Variants in SPIRE2 observed in about 807,000 individuals in gnomAD.
The protein encoded by SPIRE2 is spire type actin nucleation factor 2.
SPIRE2 carries 76 observed loss-of-function variants against 80.7 expected under a neutral mutation model. The ratio of observed to expected loss-of-function variants is 0.94; its 90% CI spans 0.78 to 1.14. The LOEUF (loss-of-function observed/expected upper bound fraction) is 1.14, where lower values mean the gene tolerates loss of function less well. Ranked by LOEUF, SPIRE2 falls within the 50% of genes most tolerant of loss-of-function variation. The pLI, the probability that SPIRE2 is intolerant of heterozygous loss-of-function variation, is 0.00. For missense variants in SPIRE2, 1,196 were observed against 1,015.3 expected, an observed-to-expected ratio of 1.18 and a Z score of -2.42; for synonymous variants, 535 against 432.6, an observed-to-expected ratio of 1.24 and a Z score of -2.94.
chr16:89,845,191 G>A (rs574506312), intron 1 of SPIRE2, 131 bp from the exon 2 acceptor site: 1 of 839,340 alleles, frequency 1.2e-6, no homozygotes, highest in Non-Finnish European at 2.0e-6. Context: ...TGGGCCTGCT[G>A]TGAGCTTTCT....
Position 89,870,244 on chromosome 16 carries a change from C to G in SPIRE2, c.2117C>G (p.Pro706Arg). ...CGCCAGACCCAATCCCTCTACATCCCTAACACCAGGACTCTTGACTTCAAG... is the reference window on the plus strand; with the variant it reads ...CGCCAGACCCAATCCCTCTACATCCGTAACACCAGGACTCTTGACTTCAAG... ...RSRQTQSLYIPNTRTLDFK is the reference protein window; with the variant it reads ...RSRQTQSLYIRNTRTLDFK The change falls in exon 15 of 15, where the codon CCT (proline) becomes CGT (arginine). Residue 706 changes from proline (P) to arginine (R), a missense_variant. Transcript: ENST00000378247. The G allele has an allele frequency of 1.9e-6, 3 of 1,602,152 alleles. No homozygotes were observed. The highest frequency in any genetic ancestry group is 2.6e-6 in the Non-Finnish European group (3 of 1,174,752).
In SPIRE2 at chr16:89,828,955, C is replaced by T. The variant is rs1005178642; in HGVS notation, c.244+161C>T. On this transcript the variant is annotated intron_variant, in intron 1 of 14. Transcript: ENST00000378247. The surrounding 1 kb of genome is among the most constrained non-coding windows in gnomAD (Gnocchi z 5.9). ...GCTCCCTCCCTCCCACTCTCCGTCCCTCTTTCCCTCTCTCTTTCCTCCCTC... is the reference window on the plus strand; with the variant it reads ...GCTCCCTCCCTCCCACTCTCCGTCCTTCTTTCCCTCTCTCTTTCCTCCCTC... Among the ~76,000 whole-genome samples, 2 of 152,212 alleles carry T rather than the reference C, an allele frequency of 1.3e-5. No homozygotes were observed. Among genetic ancestry groups the T allele is most frequent in the African/African-American group, 4.8e-5 (2 of 41,470 alleles).
intron 12 of SPIRE2, among the ~76,000 whole-genome samples, chr16:89,867,269 G>A (rs1386719229): frequency 2.0e-5 from 3 of 151,178 alleles, no homozygotes; most frequent in South Asian, 2.1e-4. Flanking sequence ...TCAGCCTCCC[G>A]AGTAGCTGGG....
In SPIRE2 at chr16:89,828,847, C is replaced by T; in HGVS notation, c.244+53C>T. ...GGGACCGCGGTCTGGGGCGTCCGTC[C>T]CGCCCCCTGGGTGGGGGTGGTCCCG... is the stretch of plus-strand genomic sequence containing the variant. On this transcript the variant is annotated intron_variant, in intron 1 of 14. Transcript: ENST00000378247. The surrounding 1 kb of genome is among the most constrained non-coding windows in gnomAD (Gnocchi z 5.9). The T allele has an allele frequency of 8.6e-7, 1 of 1,163,368 alleles. No homozygotes were observed. Among genetic ancestry groups the T allele is most frequent in the South Asian group, 4.2e-5 (1 of 23,564 alleles). 72.1% of individuals were successfully genotyped at this position (1,163,368 alleles called of 1,614,324 possible). A position where few individuals can be genotyped will look rare whatever the true frequency, so the allele number is the denominator to read the frequency against.
At chr16:89,839,459 G>A (rs973860822) in intron 1 of SPIRE2, among the ~76,000 whole-genome samples, 3 of 152,080 alleles carry the variant, frequency 2.0e-5, no homozygotes, top group Non-Finnish European at 2.9e-5. Context: ...TGGGTGGGGG[G>A]CGGCGCTGAT....
intron 12 of SPIRE2, among the ~76,000 whole-genome samples, chr16:89,864,954 G>T (rs1354027874): frequency 6.6e-6 from 1 of 151,152 alleles, no homozygotes; most frequent in Non-Finnish European, 1.5e-5. Flanking sequence ...GATAACAGCA[G>T]TTAGCATGAA....
Position 89,841,112 on chromosome 16 carries a change from A to T in SPIRE2, c.245-4210A>T, listed in dbSNP as rs538328720. Among the ~76,000 whole-genome samples the T allele has an allele frequency of 1.8e-4, 28 of 152,000 alleles. No homozygotes were observed. In the South Asian group the frequency reaches 5.8e-3, roughly 32 times the overall value. ...GGCGGGAGGATCGCTTGAGCCCAGG[A>T]AGTCATGGCTGCAGTGAGCCATGAT... On this transcript the variant is annotated intron_variant, in intron 1 of 14. Coordinates refer to ENST00000378247, the MANE Select transcript of SPIRE2 (RefSeq NM_032451.2).
At chr16:89,854,715 A>T in intron 5 of SPIRE2, 64 bp downstream of exon 5, 5 of 1,560,574 alleles carry the variant, frequency 3.2e-6, no homozygotes, top group Non-Finnish European at 3.5e-6. Context: ...GGGCGGACGC[A>T]GATGAGCAGC....
chr16:89,836,200 G>A (rs1447948373), intron 1 of SPIRE2: 2 of 455,712 alleles, frequency 4.4e-6, no homozygotes, highest in African/African-American at 4.0e-5. Context: ...ACAAACATAG[G>A]TTATTCTCTT....
chr16:89,855,720 C>T (rs371722368), intron 6 of SPIRE2, 34 bp downstream of exon 6: 126 of 1,602,350 alleles, frequency 7.9e-5, no homozygotes, highest in Non-Finnish European at 9.6e-5. Flanking sequence ...TCAGGGGCCG[C>T]CCGGGGCCTG....
At chr16:89,860,311 T>A (rs10459816) in intron 9 of SPIRE2, among the ~76,000 whole-genome samples, 1 of 151,962 alleles carries the variant, frequency 6.6e-6, no homozygotes, top group Non-Finnish European at 1.5e-5. Context: ...CAGGCTGGAG[T>A]GCAGAGGTAC....
intron 1 of SPIRE2, among the ~76,000 whole-genome samples, chr16:89,831,890 G>C (rs2041387770): frequency 7.1e-6 from 1 of 140,942 alleles, no homozygotes; most frequent in South Asian, 2.1e-4. Context: ...CGCACTCCCA[G>C]ATGTCTAAGC....
chr16:89,860,032 C>G (rs541425846), intron 9 of SPIRE2, among the ~76,000 whole-genome samples: 9 of 152,250 alleles, frequency 5.9e-5, no homozygotes, highest in Middle Eastern at 3.4e-3. Flanking sequence ...CGGCCTCCCC[C>G]ACCTGGAGCT....
intron 1 of SPIRE2, among the ~76,000 whole-genome samples, chr16:89,832,948 A>C (rs953546321): frequency 1.3e-5 from 2 of 150,064 alleles, no homozygotes; most frequent in African/African-American, 4.9e-5. Flanking sequence ...CAGCCTCCCA[A>C]GTAGCTGGGA....
At chr16:89,835,320 G>C (rs2041437655) in intron 1 of SPIRE2, among the ~76,000 whole-genome samples, 1 of 152,204 alleles carries the variant, frequency 6.6e-6, no homozygotes, top group East Asian at 1.9e-4. Context: ...TTGGGCAAAG[G>C]CTTGGGGTCC....
Position 89,847,318 on chromosome 16 carries a change from G to A in SPIRE2, c.288+1953G>A, listed in dbSNP as rs143813485. 8.7e-3 allele frequency among the ~76,000 whole-genome samples: 1,331 copies of A among 152,288 alleles called. 32 individuals are homozygous for A. The South Asian group carries it at 0.095, about 11-fold the overall frequency. On this transcript the variant is annotated intron_variant, in intron 2 of 14. Coordinates refer to ENST00000378247, the MANE Select transcript of SPIRE2 (RefSeq NM_032451.2). ...GACGTGAGTGGGGGCCTGTCTGTGTGGCTGTGTCCGGTTGTCGTGTGTCTC... is the reference window on the plus strand; with the variant it reads ...GACGTGAGTGGGGGCCTGTCTGTGTAGCTGTGTCCGGTTGTCGTGTGTCTC...
intron 2 of SPIRE2, among the ~76,000 whole-genome samples, chr16:89,848,082 C>T (rs2041580774): frequency 6.6e-6 from 1 of 152,212 alleles, no homozygotes; most frequent in Admixed American, 6.5e-5. Flanking sequence ...AACACATTTC[C>T]CGCTACGCTG....
chr16:89,855,129 G>C (rs1028791467), intron 5 of SPIRE2, among the ~76,000 whole-genome samples: 46 of 152,212 alleles, frequency 3.0e-4, no homozygotes, highest in African/African-American at 1.1e-3. Flanking sequence ...TAGTAGAGAT[G>C]GGGTTTCACT....
intron 3 of SPIRE2, 124 bp downstream of exon 3, chr16:89,850,784 G>A (rs962116993): frequency 1.2e-4 from 80 of 667,506 alleles, no homozygotes; most frequent in Non-Finnish European, 1.7e-4. Flanking sequence ...TGCGACTGCC[G>A]CTGGCATTAT....
Sources: gnomAD v4.1 joint callset for allele counts (sites outside exome capture counted in the v4.1 genomes callset) on GRCh38, gnomAD v4.1.1 for gene constraint, Gnocchi (gnomAD v3.1) non-coding constraint, MANE v1.5 for transcripts, NCBI Gene and HGNC (gene_info 2026-07-23, HGNC 2026-07-21) for gene names.